The following AGBL1 variants were observed in gnomAD, a reference collection of about 807,000 sequenced individuals.
AGBL1 encodes the protein cytosolic carboxypeptidase 4.
Under a neutral mutation model 118.9 loss-of-function variants are expected in AGBL1, and 130 were observed. The observed-to-expected ratio is 1.09, with a 90% CI of 0.95 to 1.26. AGBL1 has a LOEUF of 1.26. Among genes scored for constraint, AGBL1 ranks in the 50% most tolerant of loss-of-function variants. The probability of loss-of-function intolerance (pLI) is 0.00; values close to 1 mark genes in which losing one functional copy is unlikely to be tolerated. For synonymous variants in AGBL1, 555 were observed against 478.9 expected, an observed-to-expected ratio of 1.16 and a Z score of -2.08; for missense variants, 1,584 against 1,298.1, an observed-to-expected ratio of 1.22 and a Z score of -3.38.
At position 86,264,790 on chromosome 15, in the gene AGBL1, C is replaced by T. The variant is rs745941158; in HGVS notation, c.1619C>T (p.Pro540Leu). Reference protein sequence around the residue: ...MAFPDVWGHCPPPTTQPMLER... With the variant: ...MAFPDVWGHCLPPTTQPMLER... ...TTTCCTGATGTCTGGGGACACTGTCCCCCTCCCACCACCCAGCCTATGTTG... is the reference window on the plus strand; with the variant it reads ...TTTCCTGATGTCTGGGGACACTGTCTCCCTCCCACCACCCAGCCTATGTTG... The change falls in exon 11 of 23, where the codon CCC becomes CTC. Residue 540 changes from proline (P) to leucine (L), a missense_variant. Transcript: ENST00000614907. 6.2e-7 allele frequency: 1 copy of T among 1,613,696 alleles called. No homozygotes were observed. The highest frequency in any genetic ancestry group is 8.5e-7 in the Non-Finnish European group (1 of 1,179,770).
chr15:86,110,208 C>T (rs898669581), intron 1 of AGBL1, among the ~76,000 whole-genome samples: 1 of 152,140 alleles, frequency 6.6e-6, no homozygotes, highest in Non-Finnish European at 1.5e-5. Context: ...CCTTAAACAA[C>T]GTTGGGGTTA....
chr15:86,271,676 T>C lies in AGBL1; in HGVS notation c.2045T>C (p.Ile682Thr), dbSNP rs754344441. 6.2e-7 allele frequency: 1 copy of C among 1,613,462 alleles called. No individual in the cohort carries two copies. The highest frequency in any genetic ancestry group is 8.5e-7 in the Non-Finnish European group (1 of 1,179,390). The change falls in exon 15 of 23, where the codon ATA becomes ACA. Residue 682 changes from isoleucine to threonine, a missense_variant. Ile to Thr is a moderately conservative substitution (Grantham distance 89, BLOSUM62 -1). Coordinates refer to ENST00000614907, the MANE Select transcript of AGBL1 (RefSeq NM_001386094.1). ...GCTCTTCTTGGCAAACCCACCTGGA[T>C]AAGGACAGGCCATGAAATATGTTAT... ...KEALLGKPTW[I>T]RTGHEICYYK...
chr15:86,135,254 C>T (rs2076873750), intron 1 of AGBL1, among the ~76,000 whole-genome samples: 1 of 152,232 alleles, frequency 6.6e-6, no homozygotes, highest in South Asian at 2.1e-4. Context: ...GCAGGCTCCT[C>T]TTGCCTCATA....
chr15:86,990,053 T>C (rs2081323098), intron 24 of AGBL1, among the ~76,000 whole-genome samples: 1 of 152,232 alleles, frequency 6.6e-6, no homozygotes, highest in African/African-American at 2.4e-5. Flanking sequence ...TGGAGTTTTA[T>C]TCTGAAGCAG....
chr15:86,870,729 A>AGT (rs1225167024), intron 22 of AGBL1, among the ~76,000 whole-genome samples: 1 of 152,208 alleles, frequency 6.6e-6, no homozygotes, highest in Admixed American at 6.5e-5. Context: ...AAAGAGATGC[A>AGT]GTGTAATCAT....
intron 5 of AGBL1, among the ~76,000 whole-genome samples, chr15:86,196,987 C>T (rs1035175992): frequency 1.1e-4 from 17 of 151,582 alleles, no homozygotes; most frequent in African/African-American, 4.1e-4. Flanking sequence ...AAAGAGAATT[C>T]ACCAGAAACC....
At chr15:86,340,331 T>C (rs772252368) in intron 17 of AGBL1, among the ~76,000 whole-genome samples, 2 of 151,158 alleles carry the variant, frequency 1.3e-5, no homozygotes, top group East Asian at 4.0e-4. Flanking sequence ...AAGCTCAGAA[T>C]ATGATCTTAT....
chr15:86,808,134 A>G (rs1039323162), intron 22 of AGBL1, among the ~76,000 whole-genome samples: 3 of 152,166 alleles, frequency 2.0e-5, no homozygotes, highest in African/African-American at 4.8e-5. Flanking sequence ...TTTTCTTCTA[A>G]TAAATTTTCA....
intron 24 of AGBL1, among the ~76,000 whole-genome samples, chr15:86,990,463 A>C (rs200120704): frequency 1.3e-5 from 2 of 152,096 alleles, no homozygotes; most frequent in East Asian, 3.9e-4. Context: ...GCAGTGAGCC[A>C]AGATTGTGCC....
intron 1 of AGBL1, among the ~76,000 whole-genome samples, chr15:86,102,206 T>G (rs1896775701): frequency 6.6e-6 from 1 of 151,970 alleles, no homozygotes. Context: ...ATGCCCAGCT[T>G]ATTTTTGCAT....
intron 22 of AGBL1, among the ~76,000 whole-genome samples, chr15:86,674,866 A>G (rs1053688622): frequency 9.2e-5 from 14 of 152,188 alleles, no homozygotes; most frequent in African/African-American, 3.4e-4. Context: ...ATTCTCAAAC[A>G]TCATTGTTCC....
chr15:86,719,526 C>T (rs1236471840), intron 22 of AGBL1, among the ~76,000 whole-genome samples: 7 of 152,158 alleles, frequency 4.6e-5, no homozygotes, highest in Non-Finnish European at 1.0e-4. Context: ...GGGTGAGCTT[C>T]CCAGTAAAAC....
At chr15:86,789,140 C>T (rs957648783) in intron 22 of AGBL1, among the ~76,000 whole-genome samples, 10 of 152,200 alleles carry the variant, frequency 6.6e-5, no homozygotes, top group African/African-American at 2.2e-4. Flanking sequence ...GAAATAAGGT[C>T]CTACAAGCCA....
At chr15:86,877,872 C>A (rs56180641) in intron 22 of AGBL1, among the ~76,000 whole-genome samples, 5,518 of 152,320 alleles carry the variant, frequency 0.036, 121 homozygotes, top group Non-Finnish European at 0.05. Flanking sequence ...TTCTCACATT[C>A]TTCTTTCTCC....
chr15:86,283,323 C>T (rs530595315), intron 16 of AGBL1, among the ~76,000 whole-genome samples: 1 of 152,072 alleles, frequency 6.6e-6, no homozygotes, highest in South Asian at 2.1e-4. Flanking sequence ...GAACTTATAA[C>T]TGTATGAAAT....
intron 1 of AGBL1, among the ~76,000 whole-genome samples, chr15:86,122,227 A>AG (rs1390582748): frequency 1.3e-5 from 2 of 152,210 alleles, no homozygotes; most frequent in Admixed American, 1.3e-4. Context: ...AGTGTTGTAC[A>AG]GGGTCCTGTT....
chr15:86,929,281 T>G (rs532299453), intron 23 of AGBL1, among the ~76,000 whole-genome samples: 1 of 152,230 alleles, frequency 6.6e-6, no homozygotes, highest in African/African-American at 2.4e-5. Context: ...TGGGGAAAGA[T>G]TGAAGGTTGA....
intron 22 of AGBL1, among the ~76,000 whole-genome samples, chr15:86,755,883 GCAAT>G (rs1314281397): frequency 6.6e-6 from 1 of 152,108 alleles, no homozygotes; most frequent in Non-Finnish European, 1.5e-5. Flanking sequence ...CTCTACCAGG[GCAAT>G]CAGTCAGATT....
At chr15:86,400,783 T>C (rs944317804) in intron 18 of AGBL1, among the ~76,000 whole-genome samples, 2 of 152,158 alleles carry the variant, frequency 1.3e-5, no homozygotes, top group African/African-American at 4.8e-5. Flanking sequence ...CAAAGGCCAT[T>C]ATTTCATTCC....
Sources: allele counts gnomAD v4.1 joint callset (sites outside exome capture counted in the v4.1 genomes callset), GRCh38; gene constraint gnomAD v4.1.1; transcripts MANE v1.5; gene names NCBI Gene and HGNC (gene_info 2026-07-23, HGNC 2026-07-21).